The following KCNAB1 variants were observed in gnomAD, a reference collection of about 807,000 sequenced individuals.
The protein encoded by KCNAB1 is potassium voltage-gated channel subfamily A regulatory beta subunit 1, also known as voltage-gated potassium channel subunit beta-1.
KCNAB1 carries 35 observed loss-of-function variants against 64.6 expected under a neutral mutation model. That is an observed-to-expected ratio of 0.54 (90% CI 0.41 to 0.72). The LOEUF (loss-of-function observed/expected upper bound fraction) is 0.72, where lower values mean the gene tolerates loss of function less well. Among genes scored for constraint, KCNAB1 ranks in the 30% least tolerant of loss-of-function variants. The pLI, the probability that KCNAB1 is intolerant of heterozygous loss-of-function variation, is 0.00. For missense variants in KCNAB1, 401 were observed against 512.9 expected, an observed-to-expected ratio of 0.78 and a Z score of 2.11; for synonymous variants, 177 against 183.8, an observed-to-expected ratio of 0.96 and a Z score of 0.30.
intron 1 of KCNAB1, among the ~76,000 whole-genome samples, chr3:156,398,166 T>C (rs1713604508): frequency 6.6e-6 from 1 of 151,974 alleles, no homozygotes; most frequent in South Asian, 2.1e-4. Flanking sequence ...TTCTCACTCA[T>C]AAGTGAGAGT....
intron 1 of KCNAB1, among the ~76,000 whole-genome samples, chr3:156,297,778 G>A (rs957058595): frequency 2.0e-5 from 3 of 151,934 alleles, no homozygotes; most frequent in East Asian, 3.9e-4. Flanking sequence ...GTGTGTGCGC[G>A]TGTGCTCGTG....
chr3:156,180,328 T>G (rs1683096565), intron 1 of KCNAB1, among the ~76,000 whole-genome samples: 1 of 152,262 alleles, frequency 6.6e-6, no homozygotes, highest in Admixed American at 6.5e-5. Context: ...GTCTGACTCA[T>G]AAACCAATGT....
intron 1 of KCNAB1, among the ~76,000 whole-genome samples, chr3:156,128,356 G>A (rs939886439): frequency 2.6e-5 from 4 of 152,158 alleles, no homozygotes; most frequent in African/African-American, 9.7e-5. Context: ...AAGAAAAAGG[G>A]GATGAGGTGA....
At chr3:156,322,293 G>A (rs542244499) in intron 1 of KCNAB1, among the ~76,000 whole-genome samples, 8 of 152,254 alleles carry the variant, frequency 5.3e-5, no homozygotes, top group African/African-American at 1.4e-4. Flanking sequence ...TTAAATGAAC[G>A]TTTGATGTGA....
chr3:156,450,609 T>C (rs1281291062), intron 2 of KCNAB1, among the ~76,000 whole-genome samples: 1 of 152,236 alleles, frequency 6.6e-6, no homozygotes. Context: ...GAGACTCTTT[T>C]ATAAACTGTG....
chr3:156,412,967 G>C (rs1222960355), intron 1 of KCNAB1, among the ~76,000 whole-genome samples: 1 of 152,216 alleles, frequency 6.6e-6, no homozygotes, highest in Non-Finnish European at 1.5e-5. Flanking sequence ...TGAAGATTCA[G>C]ATGAGGTGAC....
At chr3:156,488,681 C>T (rs1292334818) in intron 8 of KCNAB1, among the ~76,000 whole-genome samples, 1 of 152,100 alleles carries the variant, frequency 6.6e-6, no homozygotes, top group African/African-American at 2.4e-5. Flanking sequence ...GTTATAGGGG[C>T]AGCCTTCTCA....
chr3:156,238,149 C>T (rs1337141852), intron 1 of KCNAB1, among the ~76,000 whole-genome samples: 3 of 152,100 alleles, frequency 2.0e-5, no homozygotes, highest in African/African-American at 4.8e-5. Flanking sequence ...GCCGGCCGGG[C>T]GTGGTGGCTC....
At chr3:156,189,411 A>G (rs1713412873) in intron 1 of KCNAB1, among the ~76,000 whole-genome samples, 1 of 152,218 alleles carries the variant, frequency 6.6e-6, no homozygotes, top group Non-Finnish European at 1.5e-5. Flanking sequence ...GAAACGATGG[A>G]TGGTGGGTGA....
At chr3:156,459,908 G>C (rs1712766034) in intron 5 of KCNAB1, 37 bp downstream of exon 5, 2 of 1,486,450 alleles carry the variant, frequency 1.3e-6, no homozygotes, top group African/African-American at 1.4e-5. Context: ...TTTTAAAAAG[G>C]TATTATTTTG....
chr3:156,475,822 G>T (rs1250351431), intron 8 of KCNAB1, among the ~76,000 whole-genome samples: 1 of 152,010 alleles, frequency 6.6e-6, no homozygotes, highest in Admixed American at 6.6e-5. Context: ...AATTTTTCTG[G>T]GTTGTATTTC....
At chr3:156,462,633 G>A (rs2108297274) in intron 5 of KCNAB1, among the ~76,000 whole-genome samples, 1 of 152,302 alleles carries the variant, frequency 6.6e-6, no homozygotes, top group African/African-American at 2.4e-5. Flanking sequence ...AGTTGTCAGA[G>A]TTGTCACCAT....
intron 1 of KCNAB1, among the ~76,000 whole-genome samples, chr3:156,147,498 T>A (rs1230366287): frequency 1.3e-5 from 2 of 152,238 alleles, no homozygotes; most frequent in Non-Finnish European, 2.9e-5. Flanking sequence ...CACTTTGGGC[T>A]ATGCTTTAAG....
intron 1 of KCNAB1, among the ~76,000 whole-genome samples, chr3:156,271,039 A>G (rs1288823271): frequency 6.6e-6 from 1 of 152,234 alleles, no homozygotes; most frequent in African/African-American, 2.4e-5. Flanking sequence ...CTTCTACTGA[A>G]AAGTGTGCTG....
At position 156,332,290 on chromosome 3, in the gene KCNAB1, G is replaced by A. The variant is rs190494618; in HGVS notation, c.276-89326G>A. ...AGGGGTCAGGCATAAATAGTTTGAT[G>A]CCCAGATTTTCTTGCTTTCATACAA... On this transcript the variant is annotated intron_variant, in intron 1 of 13. Coordinates refer to ENST00000490337, the MANE Select transcript of KCNAB1 (RefSeq NM_172160.3). Among the ~76,000 whole-genome samples, 176 of 152,182 alleles carry A rather than the reference G, an allele frequency of 1.2e-3. 1 individual carries two copies. Among genetic ancestry groups the A allele is most frequent in the African/African-American group, 4.0e-3 (168 of 41,538 alleles).
intron 1 of KCNAB1, among the ~76,000 whole-genome samples, chr3:156,335,880 G>A: frequency 7.2e-6 from 1 of 139,274 alleles, no homozygotes; most frequent in South Asian, 2.2e-4. Flanking sequence ...GCATTACACA[G>A]ATATGAAAAT....
chr3:156,448,099 C>G (rs1012297180), intron 2 of KCNAB1, among the ~76,000 whole-genome samples: 1 of 152,220 alleles, frequency 6.6e-6, no homozygotes, highest in African/African-American at 2.4e-5. Context: ...GAACCTAACA[C>G]AGGTTTTCAA....
At position 156,486,186 on chromosome 3, in the gene KCNAB1, G is replaced by A. The variant is rs902466819; in HGVS notation, c.658+11366G>A. 1.1e-4 allele frequency among the ~76,000 whole-genome samples: 17 copies of A among 152,196 alleles called. No homozygotes were observed. In the East Asian group the frequency reaches 1.7e-3, roughly 16 times the overall value. ...CCACCAAGGATCCCTGCCTGTGTCC[G>A]CTTTTATAAGGAGGGCTGTGAGACG... is the stretch of plus-strand genomic sequence containing the variant. On this transcript the variant is annotated intron_variant, in intron 8 of 13. Transcript: ENST00000490337.
chr3:156,412,014 G>T (rs1249800862), intron 1 of KCNAB1, among the ~76,000 whole-genome samples: 1 of 152,140 alleles, frequency 6.6e-6, no homozygotes, highest in Non-Finnish European at 1.5e-5. Context: ...CCATGAAAAT[G>T]ATATGCCTCT....
Sources: gnomAD v4.1 joint callset for allele counts (sites outside exome capture counted in the v4.1 genomes callset) on GRCh38, gnomAD v4.1.1 for gene constraint, MANE v1.5 for transcripts, NCBI Gene and HGNC (gene_info 2026-07-23, HGNC 2026-07-21) for gene names.